The following ZNF607 variants were observed in gnomAD, a reference collection of about 807,000 sequenced individuals.
ZNF607 encodes zinc finger protein 607.
In ZNF607, 5 loss-of-function variants were observed where a neutral mutation model predicts 12.8. The observed-to-expected ratio is 0.39, with a 90% CI of 0.20 to 0.82. The LOEUF is 0.82. Among genes scored for constraint, ZNF607 ranks in the 40% least tolerant of loss-of-function variants. The pLI, the probability that ZNF607 is intolerant of heterozygous loss-of-function variation, is 0.39. For synonymous variants in ZNF607, 287 were observed against 276.2 expected, an observed-to-expected ratio of 1.04 and a Z score of -0.39; for missense variants, 851 against 859.2, an observed-to-expected ratio of 0.99 and a Z score of 0.12.
Position 37,709,751 on chromosome 19 carries a change from C to T in ZNF607, c.81G>A (p.Gln27=). 6.2e-7 allele frequency: 1 copy of T among 1,614,126 alleles called. No homozygotes were observed. The highest frequency in any genetic ancestry group is 8.5e-7 in the Non-Finnish European group (1 of 1,179,970). The change falls in exon 3 of 5, where the codon CAG becomes CAA. Residue 27 remains glutamine, a synonymous_variant. Transcript: ENST00000355202. ...TCATCACCTCCTGGTACAAGGTCTT[C>T]TGAACCAGGCTGAGATATTCCCACT... ...HQEWEYLSLV[Q]KTLYQEVMME...
Position 37,711,662 on chromosome 19 carries a change from A to G in ZNF607, c.-44T>C. The G allele has an allele frequency of 6.2e-7, 1 of 1,609,426 alleles. No homozygotes were observed. The highest frequency in any genetic ancestry group is 8.5e-7 in the Non-Finnish European group (1 of 1,176,044). On this transcript the variant is annotated 5_prime_UTR_variant, in exon 2 of 5. Coordinates refer to ENST00000355202, the MANE Select transcript of ZNF607 (RefSeq NM_032689.5). ...GTTGATCAGTCCTTGGCGTTTCTCTACCAGAAGAGCAAAGTCAAAAGAACC... is the reference window on the plus strand; with the variant it reads ...GTTGATCAGTCCTTGGCGTTTCTCTGCCAGAAGAGCAAAGTCAAAAGAACC...
Position 37,696,686 on chromosome 19 carries a change from G to A in ZNF607, c.*1354C>T. 1.4e-6 allele frequency: 1 copy of A among 730,874 alleles called. No homozygotes were observed. 45.3% of individuals were successfully genotyped at this position (730,874 alleles called of 1,614,324 possible). A position where few individuals can be genotyped will look rare whatever the true frequency, so the allele number is the denominator to read the frequency against. On this transcript the variant is annotated 3_prime_UTR_variant, in exon 5 of 5. Coordinates refer to ENST00000355202, the MANE Select transcript of ZNF607 (RefSeq NM_032689.5). ...CAGGTGATGTTCCGAGAGCATGAGA[G>A]CTGGTATGCAATGTCTTCTGCAGCT...
chr19:37,702,280 T>TC (rs1190612935), intron 4 of ZNF607, among the ~76,000 whole-genome samples: 2 of 72,378 alleles, frequency 2.8e-5, no homozygotes, highest in African/African-American at 1.2e-4. Flanking sequence ...ACAGCGAAAC[T>TC]CCATCTCAAA....
chr19:37,711,477 G>A (rs935850726), intron 2 of ZNF607, 133 bp downstream of exon 2: 16 of 895,316 alleles, frequency 1.8e-5, no homozygotes, highest in Admixed American at 3.8e-5. Context: ...TATTTTACTG[G>A]AAGAATGAGA....
chr19:37,718,575 A>T (rs946747766), intron 1 of ZNF607, among the ~76,000 whole-genome samples: 2 of 152,152 alleles, frequency 1.3e-5, no homozygotes, highest in African/African-American at 2.4e-5. Flanking sequence ...CGAAACTGAC[A>T]AACCCTGCCA....
At chr19:37,709,094 G>T (rs973891837) in intron 3 of ZNF607, among the ~76,000 whole-genome samples, 1 of 152,160 alleles carries the variant, frequency 6.6e-6, no homozygotes, top group Non-Finnish European at 1.5e-5. Flanking sequence ...GACTATACAA[G>T]AAGAGATATC....
chr19:37,712,292 A>C (rs2045139689), intron 1 of ZNF607, among the ~76,000 whole-genome samples: 1 of 152,244 alleles, frequency 6.6e-6, no homozygotes, highest in Admixed American at 6.5e-5. Flanking sequence ...TGACCAATAC[A>C]TTTATTTTTG....
intron 3 of ZNF607, among the ~76,000 whole-genome samples, chr19:37,708,463 G>T (rs1468358419): frequency 1.3e-5 from 2 of 151,626 alleles, no homozygotes; most frequent in African/African-American, 4.8e-5. Flanking sequence ...CAAAGCACTG[G>T]GATTACAGGC....
chr19:37,714,334 ACAACAACAG>A (rs1257601649), intron 1 of ZNF607, among the ~76,000 whole-genome samples: 1 of 148,454 alleles, frequency 6.7e-6, no homozygotes, highest in Non-Finnish European at 1.5e-5. Context: ...AACAACAACA[ACAACAACAG>A]CAGCAGCAGC....
intron 1 of ZNF607, among the ~76,000 whole-genome samples, chr19:37,717,535 C>A (rs1000039084): frequency 6.6e-6 from 1 of 151,470 alleles, no homozygotes; most frequent in African/African-American, 2.4e-5. Flanking sequence ...GTGGCTCACG[C>A]CTGTAATCCC....
rs757770151 is a variant in ZNF607 at position 37,698,702 on chromosome 19, A to G, written c.1429T>C (p.Tyr477His). ...CCCTTCCCACACTCTTGACATACAT[A>G]GGGTTTCTCTCCTGTATGAATTCTC... ...HERIHTGEKP[Y>H]VCQECGKGFS... The change falls in exon 5 of 5, where the codon TAT becomes CAT. Residue 477 changes from tyrosine to histidine, a missense_variant. Coordinates refer to ENST00000355202, the MANE Select transcript of ZNF607 (RefSeq NM_032689.5). 6.2e-7 allele frequency: 1 copy of G among 1,613,390 alleles called. No homozygotes were observed. The highest frequency in any genetic ancestry group is 2.2e-5 in the East Asian group (1 of 44,858).
chr19:37,703,116 C>A (rs189217965), intron 4 of ZNF607, among the ~76,000 whole-genome samples: 1 of 151,682 alleles, frequency 6.6e-6, no homozygotes, highest in Non-Finnish European at 1.5e-5. Context: ...CCATGCCTGG[C>A]TAATTTTGTA....
rs2044986668 is a variant in ZNF607, at chr19:37,697,513, G to A, written c.*527C>T. On this transcript the variant is annotated 3_prime_UTR_variant, in exon 5 of 5. Coordinates refer to ENST00000355202, the MANE Select transcript of ZNF607 (RefSeq NM_032689.5). ...GGTACTACTATCATCATTTATATATGATCCCCAGAAGGGATAAATATCTTC... is the reference window on the plus strand; with the variant it reads ...GGTACTACTATCATCATTTATATATAATCCCCAGAAGGGATAAATATCTTC... The A allele has an allele frequency of 1.7e-6, 1 of 584,742 alleles. No homozygotes were observed. Among genetic ancestry groups the A allele is most frequent in the Non-Finnish European group, 3.1e-6 (1 of 317,940 alleles). The allele number at this position is 584,742 out of a possible 1,614,324, so 36.2% of individuals were successfully genotyped here. A position where few individuals can be genotyped will look rare whatever the true frequency, so the allele number is the denominator to read the frequency against.
At position 37,699,605 on chromosome 19, in the gene ZNF607, C is replaced by T; in HGVS notation, c.526G>A (p.Gly176Arg). 1 of 1,614,148 alleles carries T rather than the reference C, an allele frequency of 6.2e-7. No homozygotes were observed. Among genetic ancestry groups the T allele is most frequent in the South Asian group, 1.1e-5 (1 of 91,078 alleles). The change falls in exon 5 of 5, where the codon GGG becomes AGG. Residue 176 changes from glycine (G) to arginine (R), a missense_variant. Transcript: ENST00000355202. ...TTTGCAGGATAACTGAAGACCTTCC[C>T]ACATTCTTCACATTCATAAGGTTTC... is the stretch of plus-strand genomic sequence containing the variant. Reference protein sequence around the residue: ...REKPYECEECGKVFSYPANLA... With the variant: ...REKPYECEECRKVFSYPANLA...
At chr19:37,718,355 C>T (rs1272146040) in intron 1 of ZNF607, among the ~76,000 whole-genome samples, 1 of 152,122 alleles carries the variant, frequency 6.6e-6, no homozygotes, top group Non-Finnish European at 1.5e-5. Context: ...TAATACTTAG[C>T]GCTTATGTTT....
At chr19:37,709,916 GGAGGCC>G (rs1473371308) in intron 2 of ZNF607, 94 bp from the exon 3 acceptor site, 2 of 1,453,798 alleles carry the variant, frequency 1.4e-6, no homozygotes, top group Admixed American at 3.7e-5. Context: ...CAGCACTTTG[GGAGGCC>G]GAGGCGGGCA....
chr19:37,705,236 A>G (rs1307388481), intron 4 of ZNF607, among the ~76,000 whole-genome samples: 1 of 152,232 alleles, frequency 6.6e-6, no homozygotes, highest in African/African-American at 2.4e-5. Context: ...ACTATAAATC[A>G]TAAAGTATTA....
chr19:37,696,618 T>C lies in ZNF607; in HGVS notation c.*1422A>G. On this transcript the variant is annotated 3_prime_UTR_variant, in exon 5 of 5. Transcript: ENST00000355202. ...ACGGAGGTGCAGGTAGGCTGGGGCCTCACTAGGGCAGCTGGAGGAGCACGG... is the reference window on the plus strand; with the variant it reads ...ACGGAGGTGCAGGTAGGCTGGGGCCCCACTAGGGCAGCTGGAGGAGCACGG... 1.7e-6 allele frequency: 1 copy of C among 602,276 alleles called. No homozygotes were observed. The allele number at this position is 602,276 out of a possible 1,614,324, so 37.3% of individuals were successfully genotyped here. A position where few individuals can be genotyped will look rare whatever the true frequency, so the allele number is the denominator to read the frequency against.
At chr19:37,718,140 AG>A (rs374724281) in intron 1 of ZNF607, among the ~76,000 whole-genome samples, 3 of 152,178 alleles carry the variant, frequency 2.0e-5, no homozygotes, top group Non-Finnish European at 4.4e-5. Context: ...AAACATGTAC[AG>A]GAATTCTTTA....
Sources: gnomAD v4.1 joint callset for allele counts (sites outside exome capture counted in the v4.1 genomes callset) on GRCh38, gnomAD v4.1.1 for gene constraint, MANE v1.5 for transcripts, NCBI Gene and HGNC (gene_info 2026-07-23, HGNC 2026-07-21) for gene names.